IARS1: variants seen among roughly 807,000 people sequenced by gnomAD.
IARS1 encodes isoleucyl-tRNA synthetase 1.
In IARS1, 124 loss-of-function variants were observed where a neutral mutation model predicts 168.2. The ratio of observed to expected loss-of-function variants is 0.74; its 90% CI spans 0.64 to 0.86. The LOEUF is 0.86. IARS1 is among the 40% of genes least tolerant of loss of function. The probability of loss-of-function intolerance (pLI) is 0.00; values close to 1 mark genes in which losing one functional copy is unlikely to be tolerated. For synonymous variants in IARS1, 532 were observed against 529.4 expected (o/e 1.00, Z -0.07); for missense variants, 1,452 against 1,515.8 (o/e 0.96, Z 0.70).
chr9:92,250,376 G>A, intron 23 of IARS1, 87 bp from the exon 24 acceptor site: 1 of 883,214 alleles, frequency 1.1e-6, no homozygotes. Flanking sequence ...GAGGAAGAGG[G>A]TCAGGCTAGA....
At chr9:92,255,019 T>C (rs894223857) in intron 20 of IARS1, among the ~76,000 whole-genome samples, 2 of 152,148 alleles carry the variant, frequency 1.3e-5, no homozygotes, top group Non-Finnish European at 2.9e-5. Flanking sequence ...TCCCACCCAC[T>C]TGTATCACTC....
chr9:92,260,385 G>T (rs2133793718), intron 17 of IARS1, 151 bp from the exon 18 acceptor site: 1 of 653,402 alleles, frequency 1.5e-6, no homozygotes, highest in East Asian at 2.8e-5. Flanking sequence ...GCCGGGCGCG[G>T]TGGCTCACTC....
In IARS1 at chr9:92,285,770, C is replaced by T. The variant is rs151082291; in HGVS notation, c.549G>A (p.Thr183=). ...YRGVKVMPFS[T]ACNTPLSNFE... Reference sequence around the variant, plus strand: ...AGTTGGAAAGTGGAGTGTTACATGCCGTAGAGAAGGGCATGACTTTCACAC... The same window carrying T: ...AGTTGGAAAGTGGAGTGTTACATGCTGTAGAGAAGGGCATGACTTTCACAC... The change falls in exon 6 of 34, where the codon ACG becomes ACA. Residue 183 remains threonine (T), a synonymous_variant. Transcript: ENST00000443024. The T allele has an allele frequency of 1.4e-4, 221 of 1,613,348 alleles. No homozygotes were observed. The highest frequency in any genetic ancestry group is 1.8e-4 in the Non-Finnish European group (209 of 1,179,528).
chr9:92,264,877 C>T (rs1832056338), intron 16 of IARS1, 52 bp downstream of exon 16: 1 of 1,495,136 alleles, frequency 6.7e-7, no homozygotes, highest in South Asian at 1.3e-5. Context: ...AAAATACTCC[C>T]TAAATAAAAT....
intron 30 of IARS1, 22 bp from the exon 31 acceptor site, chr9:92,229,148 A>C: frequency 1.2e-6 from 2 of 1,605,036 alleles, no homozygotes; most frequent in Non-Finnish European, 1.7e-6. Context: ...CAAAAATAAC[A>C]CCTCAATCAG....
At chr9:92,279,190 T>G (rs866043810) in intron 7 of IARS1, among the ~76,000 whole-genome samples, 1 of 152,238 alleles carries the variant, frequency 6.6e-6, no homozygotes, top group African/African-American at 2.4e-5. Context: ...TTCCAATTTA[T>G]TGAAAAACTG....
intron 25 of IARS1, among the ~76,000 whole-genome samples, chr9:92,248,761 C>T (rs2133682171): frequency 6.6e-6 from 1 of 151,210 alleles, no homozygotes; most frequent in East Asian, 1.9e-4. Context: ...CTGCAACTTT[C>T]AAGCAACTGA....
intron 30 of IARS1, among the ~76,000 whole-genome samples, chr9:92,231,556 G>A (rs1324356408): frequency 6.7e-6 from 1 of 150,272 alleles, no homozygotes; most frequent in African/African-American, 2.4e-5. Context: ...TGGGATTACA[G>A]ACATGTGCCA....
At chr9:92,251,997 A>G in intron 21 of IARS1, 112 bp from the exon 22 acceptor site, 2 of 769,052 alleles carry the variant, frequency 2.6e-6, no homozygotes, top group South Asian at 3.3e-5. Flanking sequence ...GCATACAGAC[A>G]AGACATGAGA....
chr9:92,278,174 A>G, intron 8 of IARS1, 25 bp downstream of exon 8: 2 of 1,400,620 alleles, frequency 1.4e-6, no homozygotes, highest in Non-Finnish European at 2.0e-6. Flanking sequence ...GCACACAAAC[A>G]CAGAGCAACT....
chr9:92,287,522 AG>A (rs981927708), intron 4 of IARS1: 17 of 231,944 alleles, frequency 7.3e-5, no homozygotes, highest in Admixed American at 1.1e-4. Flanking sequence ...TGAGAAAAAA[AG>A]AAAAGGCCTA....
chr9:92,232,871 G>GAT (rs1010792346), intron 30 of IARS1, among the ~76,000 whole-genome samples: 6 of 152,096 alleles, frequency 3.9e-5, no homozygotes, highest in Non-Finnish European at 7.4e-5. Context: ...ATTTGCCTTT[G>GAT]ATATTTTTAA....
At chr9:92,210,922 A>T in intron 33 of IARS1, 33 bp from the exon 34 acceptor site, 1 of 1,385,462 alleles carries the variant, frequency 7.2e-7, no homozygotes, top group Admixed American at 1.7e-5. Context: ...AAAAAAAATC[A>T]GTATTTTACC....
chr9:92,247,619 T>A (rs1829412034), intron 25 of IARS1, 68 bp from the exon 26 acceptor site: 1 of 1,392,394 alleles, frequency 7.2e-7, no homozygotes, highest in Non-Finnish European at 9.9e-7. Context: ...AAAATGTAGG[T>A]CCACAGCAGC....
chr9:92,216,275 C>T (rs1373080586), intron 33 of IARS1, among the ~76,000 whole-genome samples: 237 of 150,076 alleles, frequency 1.6e-3, no homozygotes, highest in African/African-American at 4.1e-3. Flanking sequence ...GAAGGAAGCG[C>T]TAAACATGGA....
chr9:92,278,599 T>C (rs769623981), intron 7 of IARS1, among the ~76,000 whole-genome samples: 3 of 152,232 alleles, frequency 2.0e-5, no homozygotes, highest in Non-Finnish European at 2.9e-5. Flanking sequence ...ATTGACAAAG[T>C]AGCTCACAAA....
intron 8 of IARS1, 55 bp from the exon 9 acceptor site, chr9:92,277,978 C>T (rs1834001034): frequency 6.6e-7 from 1 of 1,517,682 alleles, no homozygotes; most frequent in Non-Finnish European, 9.1e-7. Flanking sequence ...TATGAGGCTG[C>T]AGCCACATCA....
At chr9:92,214,510 C>T (rs555201831) in intron 33 of IARS1, among the ~76,000 whole-genome samples, 64 of 152,284 alleles carry the variant, frequency 4.2e-4, no homozygotes, top group Middle Eastern at 6.8e-3. Flanking sequence ...TCTGAGGTAC[C>T]GGGTTCATCT....
intron 33 of IARS1, among the ~76,000 whole-genome samples, chr9:92,217,179 T>C (rs1838857321): frequency 1.3e-5 from 2 of 151,884 alleles, no homozygotes. Flanking sequence ...GACTAATGGG[T>C]ACATAACAAA....
Sources: allele counts gnomAD v4.1 joint callset (sites outside exome capture counted in the v4.1 genomes callset), GRCh38; gene constraint gnomAD v4.1.1; transcripts MANE v1.5; gene names NCBI Gene and HGNC (gene_info 2026-07-23, HGNC 2026-07-21).